Variants in SGCD observed in about 807,000 individuals in gnomAD.
The protein encoded by SGCD is delta-sarcoglycan.
Under a neutral mutation model 36.6 loss-of-function variants are expected in SGCD, and 18 were observed. The observed-to-expected ratio is 0.49, with a 90% CI of 0.34 to 0.73. The LOEUF (loss-of-function observed/expected upper bound fraction) is 0.73, where lower values mean the gene tolerates loss of function less well. SGCD is among the 30% of genes least tolerant of loss of function. The probability of loss-of-function intolerance (pLI) is 0.01; values close to 1 mark genes in which losing one functional copy is unlikely to be tolerated. For missense variants in SGCD, 387 were observed against 346.7 expected, an observed-to-expected ratio of 1.12 and a Z score of -0.92; for synonymous variants, 133 against 130.6, an observed-to-expected ratio of 1.02 and a Z score of -0.12.
rs181038445 is a variant in SGCD at position 156,537,580 on chromosome 5, G to T, written c.294+28878G>T. ...CTTATATCTTGAAACTAGCGAGGGT[G>T]TTCTTTGATACTTCCTCTATCAAAT... On this transcript the variant is annotated intron_variant, in intron 4 of 8. Coordinates refer to ENST00000337851, the MANE Select transcript of SGCD (RefSeq NM_000337.6). 4.5e-3 allele frequency among the ~76,000 whole-genome samples: 685 copies of T among 151,768 alleles called. 4 individuals carry two copies. Among genetic ancestry groups the T allele is most frequent in the African/African-American group, 0.014 (570 of 41,358 alleles).
At chr5:156,229,223 T>TATATAC (rs1434619261) in intron 3 of SGCD, among the ~76,000 whole-genome samples, 1 of 139,844 alleles carries the variant, frequency 7.2e-6, no homozygotes, top group Non-Finnish European at 1.5e-5. Flanking sequence ...TAATAAACTT[T>TATATAC]ATATACATAT....
Position 155,934,121 on chromosome 5 carries a change from C to T in SGCD, c.-282+63697C>T, listed in dbSNP as rs115570383. 2.0e-3 allele frequency among the ~76,000 whole-genome samples: 306 copies of T among 152,290 alleles called. 1 individual carries two copies. The highest frequency in any genetic ancestry group is 7.1e-3 in the African/African-American group (293 of 41,558). ...AGAATTGGATGCACACCTTGATTGA[C>T]AATCCTATCAAGACAGTATCAGATG... On this transcript the variant is annotated intron_variant, in intron 1 of 9. Coordinates refer to the SGCD transcript ENST00000517913.
rs565097002 is a variant in SGCD, at chr5:156,431,727, G to GT, written c.193-76868dup. Among the ~76,000 whole-genome samples the GT allele has an allele frequency of 8.8e-4, 134 of 151,990 alleles. 1 individual carries two copies. The highest frequency in any genetic ancestry group is 6.0e-4 in the Non-Finnish European group (41 of 67,944). ...ATTGTTTTGTTTTTTGTTTTGTTTT[G>GT]TTTTTTGGACAGAGTTTTGCTCTTG... On this transcript the variant is annotated intron_variant, in intron 3 of 8. Transcript: ENST00000337851.
At chr5:156,673,467 A>C (rs762679987) in intron 7 of SGCD, among the ~76,000 whole-genome samples, 4 of 152,218 alleles carry the variant, frequency 2.6e-5, no homozygotes, top group African/African-American at 9.6e-5. Flanking sequence ...AGGAAGGCCA[A>C]GTCCTCTTTT....
intron 4 of SGCD, among the ~76,000 whole-genome samples, chr5:156,564,282 T>C (rs996518504): frequency 6.6e-6 from 1 of 152,080 alleles, no homozygotes; most frequent in Admixed American, 6.5e-5. Flanking sequence ...ACCTCGTCTC[T>C]ACTAAAAATA....
chr5:156,232,065 GC>G (rs1187449107), intron 3 of SGCD, among the ~76,000 whole-genome samples: 21 of 152,114 alleles, frequency 1.4e-4, no homozygotes, highest in Non-Finnish European at 2.9e-4. Context: ...ATAACAGTAG[GC>G]TGAGTAATTC....
intron 3 of SGCD, among the ~76,000 whole-genome samples, chr5:156,421,665 A>C (rs762201469): frequency 5.3e-5 from 8 of 152,086 alleles, no homozygotes; most frequent in Non-Finnish European, 1.2e-4. Context: ...CATAGAATTT[A>C]AATTGCTAAA....
intron 3 of SGCD, among the ~76,000 whole-genome samples, chr5:156,190,821 A>C (rs911276027): frequency 2.0e-5 from 3 of 152,140 alleles, no homozygotes; most frequent in Non-Finnish European, 4.4e-5. Flanking sequence ...TTTCTTCTGC[A>C]CCATCTAAAA....
At chr5:155,745,687 TAAAC>T in the SGCD span, among the ~76,000 whole-genome samples, 4 of 151,984 alleles carry the variant, frequency 2.6e-5, no homozygotes, top group Admixed American at 1.3e-4. Context: ...TAAGAAAAGA[TAAAC>T]AACCTCTTGG....
intron 4 of SGCD, among the ~76,000 whole-genome samples, chr5:156,571,505 T>G (rs776397800): frequency 2.0e-5 from 3 of 152,180 alleles, no homozygotes; most frequent in Non-Finnish European, 2.9e-5. Context: ...CAGTAACCTC[T>G]ATAGCACCCT....
intron 3 of SGCD, among the ~76,000 whole-genome samples, chr5:156,319,343 C>T (rs1767600401): frequency 6.6e-6 from 1 of 152,200 alleles, no homozygotes; most frequent in South Asian, 2.1e-4. Flanking sequence ...ATTTAATGAG[C>T]ACTTGATCTG....
chr5:156,269,352 C>CT (rs1766094673), intron 3 of SGCD, among the ~76,000 whole-genome samples: 2 of 151,774 alleles, frequency 1.3e-5, no homozygotes, highest in Admixed American at 6.6e-5. Flanking sequence ...TGCCTGTTGT[C>CT]TCAGCTACTC....
chr5:156,263,080 T>TA (rs1435224671), intron 3 of SGCD, among the ~76,000 whole-genome samples: 1 of 152,096 alleles, frequency 6.6e-6, no homozygotes, highest in African/African-American at 2.4e-5. Context: ...TACCTTTTTT[T>TA]ATCCTTTTTG....
chr5:155,752,808 C>A, the SGCD span, among the ~76,000 whole-genome samples: 1 of 152,158 alleles, frequency 6.6e-6, no homozygotes, highest in Non-Finnish European at 1.5e-5. Context: ...ACCCCTTAAG[C>A]TTTTCACATT....
intron 1 of SGCD, among the ~76,000 whole-genome samples, chr5:156,030,274 A>G (rs1202991564): frequency 6.6e-6 from 1 of 152,220 alleles, no homozygotes; most frequent in Admixed American, 6.5e-5. Flanking sequence ...CCTTATTTGG[A>G]AATAGGGTCT....
chr5:156,297,532 G>T (rs539994480), intron 3 of SGCD, among the ~76,000 whole-genome samples: 1 of 149,242 alleles, frequency 6.7e-6, no homozygotes, highest in Non-Finnish European at 1.5e-5. Flanking sequence ...GTAAACTATC[G>T]CAAGAACAAA....
rs534730861 is a variant in SGCD, at chr5:156,037,116, A to G, written c.-281-80762A>G. Among the ~76,000 whole-genome samples the G allele has an allele frequency of 3.3e-5, 5 of 152,202 alleles. No homozygotes were observed. The East Asian group carries it at 5.8e-4, about 18-fold the overall frequency. ...TTTTAGGTGACATTATTTTTATTCA[A>G]TTACAACACAGACATGTAATTACAA... On this transcript the variant is annotated intron_variant, in intron 1 of 9. Coordinates refer to the SGCD transcript ENST00000517913.
At chr5:156,165,564 T>G (rs1763194131) in intron 3 of SGCD, among the ~76,000 whole-genome samples, 1 of 152,216 alleles carries the variant, frequency 6.6e-6, no homozygotes, top group East Asian at 1.9e-4. Context: ...TTGTACTATA[T>G]ACTGCTTAGA....
At chr5:156,387,427 C>A (rs1430171074) in intron 3 of SGCD, among the ~76,000 whole-genome samples, 1 of 152,134 alleles carries the variant, frequency 6.6e-6, no homozygotes, top group East Asian at 1.9e-4. Context: ...GAATGCTAAA[C>A]ATATATTTAA....
Sources: gnomAD v4.1 joint callset for allele counts (sites outside exome capture counted in the v4.1 genomes callset) on GRCh38, gnomAD v4.1.1 for gene constraint, MANE v1.5 for transcripts, NCBI Gene and HGNC (gene_info 2026-07-23, HGNC 2026-07-21) for gene names.